Variants in SLCO2A1 observed in about 807,000 individuals in gnomAD.
SLCO2A1 encodes the protein matrin F/G 1.
Under a neutral mutation model 71.7 loss-of-function variants are expected in SLCO2A1, and 60 were observed. That is an observed-to-expected ratio of 0.84 (90% confidence interval 0.68 to 1.04). The LOEUF (loss-of-function observed/expected upper bound fraction) is 1.04, where lower values mean the gene tolerates loss of function less well. SLCO2A1 is among the 50% of genes least tolerant of loss of function. The pLI is 0.00. For synonymous variants in SLCO2A1, 308 were observed against 326.7 expected (o/e 0.94, Z 0.62); for missense variants, 745 against 813.4 (o/e 0.92, Z 1.02).
At chr3:134,022,219 C>G (rs966191458) in intron 1 of SLCO2A1, among the ~76,000 whole-genome samples, 1 of 151,540 alleles carries the variant, frequency 6.6e-6, no homozygotes, top group East Asian at 1.9e-4. Context: ...GAATTATCTG[C>G]GAAAGTCATG....
intron 1 of SLCO2A1, among the ~76,000 whole-genome samples, chr3:134,010,784 C>T (rs1935322136): frequency 6.8e-6 from 1 of 147,982 alleles, no homozygotes; most frequent in African/African-American, 2.5e-5. Flanking sequence ...ACCAGATCTC[C>T]TGAGAACTCA....
intron 1 of SLCO2A1, among the ~76,000 whole-genome samples, chr3:134,012,483 A>T (rs1576459388): frequency 1.3e-5 from 2 of 152,290 alleles, no homozygotes; most frequent in East Asian, 3.9e-4. Flanking sequence ...CATCAAGAGG[A>T]TTCCTGCGTC....
chr3:134,025,792 G>A (rs951408540), intron 1 of SLCO2A1, among the ~76,000 whole-genome samples: 5 of 152,142 alleles, frequency 3.3e-5, no homozygotes, highest in African/African-American at 4.8e-5. Context: ...AAAGAGGAGC[G>A]TGTGACCTTA....
intron 8 of SLCO2A1, 127 bp downstream of exon 8, chr3:133,948,408 TG>T: frequency 1.1e-6 from 1 of 913,494 alleles, no homozygotes; most frequent in Non-Finnish European, 1.6e-6. Context: ...TTCTTTCTCC[TG>T]GGCAGTCCTC....
chr3:133,934,255 T>C lies in SLCO2A1; in HGVS notation c.*458A>G, dbSNP rs1433558504. 1.3e-5 allele frequency: 2 copies of C among 153,614 alleles called. No homozygotes were observed. Among genetic ancestry groups the C allele is most frequent in the African/African-American group, 2.4e-5 (1 of 41,484 alleles). 9.5% of individuals were successfully genotyped at this position (153,614 alleles called of 1,614,324 possible). A position where few individuals can be genotyped will look rare whatever the true frequency, so the allele number is the denominator to read the frequency against. On this transcript the variant is annotated 3_prime_UTR_variant, in exon 14 of 14. Coordinates refer to ENST00000310926, the MANE Select transcript of SLCO2A1 (RefSeq NM_005630.3). Reference sequence around the variant, plus strand: ...GTCTCCCAGTGGCTCTGGCTATTAATAACTCAGCCACTTCCTTCTTCCTTT... The same window carrying C: ...GTCTCCCAGTGGCTCTGGCTATTAACAACTCAGCCACTTCCTTCTTCCTTT...
At chr3:133,947,560 G>A in intron 8 of SLCO2A1, 115 bp from the exon 9 acceptor site, 1 of 866,826 alleles carries the variant, frequency 1.2e-6, no homozygotes, top group Non-Finnish European at 1.7e-6. Flanking sequence ...GGAACATTTG[G>A]TATGTTAAAT....
intron 1 of SLCO2A1, among the ~76,000 whole-genome samples, chr3:133,982,080 C>CATT (rs1402046986): frequency 3.3e-5 from 5 of 151,818 alleles, no homozygotes; most frequent in African/African-American, 1.2e-4. Flanking sequence ...ACAAGAGCCA[C>CATT]ATTATAGGTT....
chr3:133,968,212 G>A (rs1403253568), intron 3 of SLCO2A1, among the ~76,000 whole-genome samples: 1 of 140,910 alleles, frequency 7.1e-6, no homozygotes, highest in Admixed American at 7.0e-5. Flanking sequence ...CCTCCCCTCC[G>A]CACCCACACA....
chr3:133,983,311 G>T (rs1042869010), intron 1 of SLCO2A1, among the ~76,000 whole-genome samples: 6 of 152,266 alleles, frequency 3.9e-5, no homozygotes, highest in African/African-American at 1.4e-4. Flanking sequence ...TCAGATTTTG[G>T]TCCTCAGCCA....
chr3:133,987,403 C>T lies in SLCO2A1; in HGVS notation c.97-7785G>A, dbSNP rs537797694. 2.6e-5 allele frequency among the ~76,000 whole-genome samples: 4 copies of T among 151,984 alleles called. No homozygotes were observed. The East Asian group carries it at 7.7e-4, about 29-fold the overall frequency. On this transcript the variant is annotated intron_variant, in intron 1 of 13. Transcript: ENST00000310926. ...GATAAAACCCTGGTCTCCACAACCT[C>T]TTATCGCAACCCAGACATTTCCTTT...
At chr3:133,978,873 G>A (rs907114604) in intron 2 of SLCO2A1, among the ~76,000 whole-genome samples, 1 of 152,166 alleles carries the variant, frequency 6.6e-6, no homozygotes, top group Non-Finnish European at 1.5e-5. Context: ...GGCCCATCTT[G>A]TCTTCCTCTA....
At chr3:134,008,776 T>A (rs1201911596) in intron 1 of SLCO2A1, among the ~76,000 whole-genome samples, 2 of 152,224 alleles carry the variant, frequency 1.3e-5, no homozygotes, top group Non-Finnish European at 2.9e-5. Context: ...GAGAGCAGAT[T>A]CCTGGACAGA....
intron 7 of SLCO2A1, 78 bp from the exon 8 acceptor site, chr3:133,948,778 C>A: frequency 6.3e-7 from 1 of 1,591,108 alleles, no homozygotes; most frequent in Non-Finnish European, 8.6e-7. Flanking sequence ...CAGTTACAGG[C>A]CCTCTGCTCC....
chr3:133,997,862 T>C (rs1432861496), intron 1 of SLCO2A1, among the ~76,000 whole-genome samples: 1 of 152,246 alleles, frequency 6.6e-6, no homozygotes, highest in Admixed American at 6.5e-5. Context: ...GACTGTAAAA[T>C]GACGGGCAAG....
chr3:134,015,927 T>C (rs1935443992), intron 1 of SLCO2A1, among the ~76,000 whole-genome samples: 1 of 152,046 alleles, frequency 6.6e-6, no homozygotes, highest in South Asian at 2.1e-4. Context: ...TAAAGGATAG[T>C]CTTTTCAAAA....
intron 1 of SLCO2A1, among the ~76,000 whole-genome samples, chr3:133,986,926 T>C (rs1000826181): frequency 4.6e-5 from 7 of 152,168 alleles, no homozygotes; most frequent in Non-Finnish European, 8.8e-5. Context: ...GATCTAACCA[T>C]TGTTAGGTCA....
intron 1 of SLCO2A1, among the ~76,000 whole-genome samples, chr3:133,982,054 T>C (rs992270428): frequency 8.6e-5 from 13 of 150,438 alleles, no homozygotes; most frequent in African/African-American, 3.2e-4. Context: ...ATTGCCACTA[T>C]AAGGCTGAAG....
intron 3 of SLCO2A1, among the ~76,000 whole-genome samples, chr3:133,964,925 C>T (rs1032668194): frequency 3.3e-5 from 5 of 152,298 alleles, no homozygotes; most frequent in East Asian, 1.9e-4. Flanking sequence ...GCACCTGGCT[C>T]GGCTCATCAT....
At chr3:133,947,486 T>C (rs775848549) in intron 8 of SLCO2A1, 41 bp from the exon 9 acceptor site, 1 of 1,539,634 alleles carries the variant, frequency 6.5e-7, no homozygotes, top group South Asian at 1.2e-5. Flanking sequence ...TGCACAGGCC[T>C]GGGACTGCAT....
Sources: gnomAD v4.1 joint callset for allele counts (sites outside exome capture counted in the v4.1 genomes callset) on GRCh38, gnomAD v4.1.1 for gene constraint, MANE v1.5 for transcripts, NCBI Gene and HGNC (gene_info 2026-07-23, HGNC 2026-07-21) for gene names.